GPHN: variants seen among roughly 807,000 people sequenced by gnomAD.
The protein encoded by GPHN is gephyrin.
GPHN carries 17 observed loss-of-function variants against 95.5 expected under a neutral mutation model. That is an observed-to-expected ratio of 0.18 (90% CI 0.12 to 0.27). The LOEUF is 0.27. Ranked by LOEUF, GPHN falls within the 10% of genes least tolerant of loss-of-function variation. The pLI is 1.00. For synonymous variants in GPHN, 320 were observed against 322.5 expected, an observed-to-expected ratio of 0.99 and a Z score of 0.08; for missense variants, 660 against 978.1, an observed-to-expected ratio of 0.67 and a Z score of 4.34.
the GPHN span, chr14:67,204,666 G>A: frequency 5.6e-6 from 9 of 1,613,960 alleles, no homozygotes; most frequent in South Asian, 1.1e-5. Context: ...AGGACACCTT[G>A]TTTTCTCAAT....
At chr14:67,643,211 A>G in the GPHN span, among the ~76,000 whole-genome samples, 2 of 152,306 alleles carry the variant, frequency 1.3e-5, no homozygotes, top group African/African-American at 4.8e-5. Context: ...CACTGTTCTG[A>G]TATTTTCTCA....
intron 18 of GPHN, among the ~76,000 whole-genome samples, chr14:67,154,431 C>G (rs1452017236): frequency 6.6e-6 from 1 of 152,082 alleles, no homozygotes; most frequent in African/African-American, 2.4e-5. Context: ...GGCTATTTCT[C>G]TCCAGTAAAA....
chr14:67,593,532 T>A, the GPHN span: 20 of 528,382 alleles, frequency 3.8e-5, no homozygotes, highest in Middle Eastern at 5.0e-4. Context: ...AAGGAAAAAA[T>A]GCCAGTGATA....
At chr14:67,279,082 TAACA>T in the GPHN span, 2 of 1,243,930 alleles carry the variant, frequency 1.6e-6, no homozygotes, top group African/African-American at 1.5e-5. Flanking sequence ...TTTTTTGAAG[TAACA>T]TGGATTTTAT....
chr14:67,557,566 T>C, the GPHN span: 32 of 670,772 alleles, frequency 4.8e-5, no homozygotes, highest in South Asian at 1.2e-4. Flanking sequence ...AATTTAATTA[T>C]AGGAAGGACT....
intron 4 of GPHN, among the ~76,000 whole-genome samples, chr14:66,867,067 A>G (rs1365402928): frequency 1.3e-5 from 2 of 150,088 alleles, no homozygotes; most frequent in African/African-American, 2.4e-5. Context: ...ATTTGAACTG[A>G]AAAAAAAAAT....
the GPHN span, among the ~76,000 whole-genome samples, chr14:67,417,870 A>G: frequency 1.3e-5 from 2 of 152,088 alleles, no homozygotes; most frequent in Admixed American, 6.6e-5. Flanking sequence ...CAGATTCTCG[A>G]GTAGCTGGGA....
the GPHN span, among the ~76,000 whole-genome samples, chr14:67,432,858 C>T: frequency 6.6e-6 from 1 of 151,940 alleles, no homozygotes; most frequent in East Asian, 1.9e-4. Flanking sequence ...TGGTGTTTTC[C>T]CTGTCTGTGT....
At chr14:67,092,891 A>T (rs2077199539) in intron 12 of GPHN, among the ~76,000 whole-genome samples, 1 of 152,114 alleles carries the variant, frequency 6.6e-6, no homozygotes, top group Non-Finnish European at 1.5e-5. Context: ...CTTCACACTG[A>T]TGAAGCTAAT....
the GPHN span, among the ~76,000 whole-genome samples, chr14:67,495,704 G>A: frequency 6.6e-6 from 1 of 152,088 alleles, no homozygotes; most frequent in African/African-American, 2.4e-5. Context: ...GGCTGGTCTT[G>A]AACTCCTGAC....
At chr14:67,193,467 C>G in the GPHN span, among the ~76,000 whole-genome samples, 2 of 138,782 alleles carry the variant, frequency 1.4e-5, no homozygotes, top group African/African-American at 5.2e-5. Context: ...ATCTAGATAT[C>G]TAGATATCTA....
At chr14:67,477,347 A>G in the GPHN span, among the ~76,000 whole-genome samples, 1 of 152,078 alleles carries the variant, frequency 6.6e-6, no homozygotes, top group South Asian at 2.1e-4. Flanking sequence ...TCATTCTGTT[A>G]GGCGTGCCTT....
At chr14:67,726,169 G>C in the GPHN span, 1 of 1,512,734 alleles carries the variant, frequency 6.6e-7, no homozygotes, top group Non-Finnish European at 9.2e-7. Context: ...AGTATCTTTG[G>C]GTGACTAAAA....
At chr14:67,378,211 AG>A in the GPHN span, among the ~76,000 whole-genome samples, 1 of 150,294 alleles carries the variant, frequency 6.7e-6, no homozygotes. Flanking sequence ...TAAGAGTTAG[AG>A]GGGGGAAAAA....
chr14:66,982,682 A>G (rs1326376752), intron 9 of GPHN, among the ~76,000 whole-genome samples: 2 of 152,164 alleles, frequency 1.3e-5, no homozygotes, highest in East Asian at 1.9e-4. Flanking sequence ...TTGATTATCA[A>G]TATATATAAG....
downstream of GPHN, among the ~76,000 whole-genome samples, chr14:67,186,428 A>G (rs2083368868): frequency 6.6e-6 from 1 of 152,202 alleles, no homozygotes; most frequent in East Asian, 1.9e-4. Context: ...AATATGTTAA[A>G]TAGGTGTTGG....
chr14:67,627,755 C>T, the GPHN span, among the ~76,000 whole-genome samples: 1 of 152,154 alleles, frequency 6.6e-6, no homozygotes, highest in Admixed American at 6.5e-5. Flanking sequence ...GACAATGTAG[C>T]AAGACCCCAT....
At chr14:67,340,474 C>G in the GPHN span, 1 of 1,613,726 alleles carries the variant, frequency 6.2e-7, no homozygotes, top group Non-Finnish European at 8.5e-7. Context: ...TCATCCAGCT[C>G]TGTGATGATA....
intron 17 of GPHN, 102 bp downstream of exon 17, chr14:67,122,479 T>C (rs1181453024): frequency 1.0e-6 from 1 of 973,452 alleles, no homozygotes; most frequent in Non-Finnish European, 1.6e-6. Flanking sequence ...AAATTTAATG[T>C]CATAATTTTC....
Sources: allele counts gnomAD v4.1 joint callset (sites outside exome capture counted in the v4.1 genomes callset), GRCh38; gene constraint gnomAD v4.1.1; transcripts MANE v1.5; gene names NCBI Gene and HGNC (gene_info 2026-07-23, HGNC 2026-07-21).